Variants in TNRC6A observed in about 807,000 individuals in gnomAD.
TNRC6A encodes trinucleotide repeat-containing gene 6A protein.
A neutral mutation model predicts 221.2 loss-of-function variants in TNRC6A; 44 were observed. That is an observed-to-expected ratio of 0.20 (90% CI 0.16 to 0.26). TNRC6A has a LOEUF of 0.26. Ranked by LOEUF, TNRC6A falls within the 10% of genes least tolerant of loss-of-function variation. The pLI, the probability that TNRC6A is intolerant of heterozygous loss-of-function variation, is 1.00. For synonymous variants in TNRC6A, 847 were observed against 838.5 expected (o/e 1.01, Z -0.18); for missense variants, 2,199 against 2,404.4 (o/e 0.91, Z 1.79).
At chr16:24,802,548 CAAAA>C (rs897930490) in intron 11 of TNRC6A, among the ~76,000 whole-genome samples, 1 of 151,446 alleles carries the variant, frequency 6.6e-6, no homozygotes, top group Non-Finnish European at 1.5e-5. Context: ...GACACTGTCT[CAAAA>C]AAAAGTGACA....
At chr16:24,643,721 G>A (rs1399552234) in intron 2 of TNRC6A, among the ~76,000 whole-genome samples, 3 of 144,306 alleles carry the variant, frequency 2.1e-5, no homozygotes, top group East Asian at 2.2e-4. Flanking sequence ...CCTCCCCGCC[G>A]CCCCATTAGT....
At position 24,789,656 on chromosome 16, in the gene TNRC6A, C is replaced by A. The variant is rs949706757; in HGVS notation, c.1014C>A (p.Ser338Arg). Reference protein sequence around the residue: ...VDAPESKSESSNNRMNAWGTV... With the variant: ...VDAPESKSESRNNRMNAWGTV... ...CTCCTGAAAGCAAATCTGAAAGTAG[C>A]AACAATAGAATGAATGCTTGGGGCA... Residue 338 changes from serine to arginine, a missense_variant, in exon 6 of 25, where the codon AGC becomes AGA. This residue lies in a region of TNRC6A where 1,405 missense variants were observed against 1,400.2 expected (regional missense o/e 1.00). Coordinates refer to ENST00000395799, the MANE Select transcript of TNRC6A (RefSeq NM_014494.4). 2 of 1,614,000 alleles carry A rather than the reference C, an allele frequency of 1.2e-6. No homozygotes were observed. Among genetic ancestry groups the A allele is most frequent in the Admixed American group, 1.7e-5 (1 of 60,006 alleles).
intron 18 of TNRC6A, among the ~76,000 whole-genome samples, chr16:24,814,867 C>A (rs1228120843): frequency 1.3e-5 from 2 of 152,180 alleles, no homozygotes; most frequent in Admixed American, 6.5e-5. Context: ...AGCCCTCCAC[C>A]ATACAAGTGT....
chr16:24,811,564 G>C (rs2058544292), intron 18 of TNRC6A, among the ~76,000 whole-genome samples: 1 of 152,054 alleles, frequency 6.6e-6, no homozygotes, highest in South Asian at 2.1e-4. Context: ...AGATGGAGCG[G>C]GGCTAGAATT....
At chr16:24,669,869 G>A (rs2055253367) in intron 2 of TNRC6A, among the ~76,000 whole-genome samples, 1 of 147,860 alleles carries the variant, frequency 6.8e-6, no homozygotes, top group Non-Finnish European at 1.5e-5. Context: ...TTCATTATAT[G>A]AGCCAAGTAT....
chr16:24,793,628 C>T lies in TNRC6A; in HGVS notation c.3331C>T (p.Pro1111Ser). 1 of 1,518,286 alleles carries T rather than the reference C, an allele frequency of 6.6e-7. No individual in the cohort carries two copies. 94.1% of individuals were successfully genotyped at this position (1,518,286 alleles called of 1,614,324 possible). A position where few individuals can be genotyped will look rare whatever the true frequency, so the allele number is the denominator to read the frequency against. ...CACGTGGGGCTCCAGCTCTGTTGGT[C>T]CACAAGCATTAAGCAAATCTGGTAA... ...TSTWGSSSVG[P>S]QALSKSGPKS... Residue 1111 changes from proline (P) to serine (S), a missense_variant, in exon 7 of 25, where the codon CCA becomes TCA. Coordinates refer to ENST00000395799, the MANE Select transcript of TNRC6A (RefSeq NM_014494.4).
chr16:24,778,903 AG>A (rs1322845973), intron 5 of TNRC6A, among the ~76,000 whole-genome samples: 5 of 152,206 alleles, frequency 3.3e-5, no homozygotes, highest in Non-Finnish European at 7.3e-5. Context: ...GGGAGAGGTT[AG>A]TTATACAACA....
In TNRC6A at chr16:24,759,925, T is replaced by C. The variant is rs1221622106; in HGVS notation, c.163+1565T>C. 2.0e-5 allele frequency among the ~76,000 whole-genome samples: 3 copies of C among 152,250 alleles called. No homozygotes were observed. In the East Asian group the frequency reaches 5.8e-4, roughly 29 times the overall value. On this transcript the variant is annotated intron_variant, in intron 4 of 24. Transcript: ENST00000395799. Reference sequence around the variant, plus strand: ...AACATTGCCAAATTAGTAGGAATGTTACCAAATTAATTTTCCTAAAACTCT... The same window carrying C: ...AACATTGCCAAATTAGTAGGAATGTCACCAAATTAATTTTCCTAAAACTCT...
intron 20 of TNRC6A, among the ~76,000 whole-genome samples, chr16:24,817,823 C>T (rs1391553964): frequency 6.6e-6 from 1 of 152,146 alleles, no homozygotes; most frequent in African/African-American, 2.4e-5. Context: ...GTTTCACAGA[C>T]AGCTCTGCCC....
chr16:24,735,125 T>C (rs2056734645), intron 2 of TNRC6A, among the ~76,000 whole-genome samples: 1 of 152,124 alleles, frequency 6.6e-6, no homozygotes, highest in Non-Finnish European at 1.5e-5. Context: ...CTACTAAAAG[T>C]ACAAAAATTA....
chr16:24,689,081 AACAAACAAAAAAC>A (rs2055698363), intron 2 of TNRC6A, among the ~76,000 whole-genome samples: 1 of 152,182 alleles, frequency 6.6e-6, no homozygotes, highest in Non-Finnish European at 1.5e-5. Flanking sequence ...AGACAAAATA[AACAAACAAAAAAC>A]ACAAACAAAA....
At chr16:24,806,904 C>A in intron 17 of TNRC6A, 120 bp downstream of exon 17, 3 of 961,952 alleles carry the variant, frequency 3.1e-6, no homozygotes, top group South Asian at 3.1e-5. Context: ...CTTAGCTGTT[C>A]CCTCTCAGAG....
At chr16:24,754,244 G>A (rs971976660) in intron 3 of TNRC6A, among the ~76,000 whole-genome samples, 5 of 151,838 alleles carry the variant, frequency 3.3e-5, no homozygotes, top group African/African-American at 9.7e-5. Context: ...ATTAGACACC[G>A]ACGAGCCTTA....
chr16:24,633,203 T>C (rs763786233), intron 1 of TNRC6A, among the ~76,000 whole-genome samples: 102 of 152,090 alleles, frequency 6.7e-4, no homozygotes, highest in Non-Finnish European at 1.1e-3. Flanking sequence ...TATATGCAGC[T>C]GCTTGACTTA....
chr16:24,796,348 C>A (rs1438418944), intron 9 of TNRC6A: 1 of 167,396 alleles, frequency 6.0e-6, no homozygotes, highest in East Asian at 1.7e-4. Flanking sequence ...AAAACAACAT[C>A]AGTGGGGTTT....
At chr16:24,780,244 TCTTGA>T (rs2057811908) in intron 5 of TNRC6A, among the ~76,000 whole-genome samples, 1 of 152,224 alleles carries the variant, frequency 6.6e-6, no homozygotes, top group Admixed American at 6.5e-5. Flanking sequence ...CATTGTCCCA[TCTTGA>T]CTTGACACAC....
At chr16:24,612,623 G>A (rs575335813) in intron 1 of TNRC6A, among the ~76,000 whole-genome samples, 1 of 151,970 alleles carries the variant, frequency 6.6e-6, no homozygotes, top group African/African-American at 2.4e-5. Flanking sequence ...TAGGTGTGGT[G>A]GCATGCACTT....
intron 2 of TNRC6A, among the ~76,000 whole-genome samples, chr16:24,736,352 A>G (rs2056767019): frequency 6.6e-6 from 1 of 152,322 alleles, no homozygotes; most frequent in African/African-American, 2.4e-5. Context: ...CCTGACAGCA[A>G]TCAAATGATC....
intron 2 of TNRC6A, among the ~76,000 whole-genome samples, chr16:24,664,316 G>A (rs574154735): frequency 6.6e-6 from 1 of 151,232 alleles, no homozygotes; most frequent in East Asian, 1.9e-4. Flanking sequence ...GGGGGACAGA[G>A]TGTGACCCAA....
Sources: allele counts gnomAD v4.1 joint callset (sites outside exome capture counted in the v4.1 genomes callset), GRCh38; gene constraint gnomAD v4.1.1; regional missense constraint gnomAD v4.1.1; transcripts MANE v1.5; gene names NCBI Gene and HGNC (gene_info 2026-07-23, HGNC 2026-07-21).